SFSWAP: variants seen among roughly 807,000 people sequenced by gnomAD.
The protein encoded by SFSWAP is splicing factor, suppressor of white-apricot homolog.
A neutral mutation model predicts 100.7 loss-of-function variants in SFSWAP; 17 were observed. The observed-to-expected ratio is 0.17, with a 90% confidence interval of 0.12 to 0.25. The LOEUF (loss-of-function observed/expected upper bound fraction) is 0.25, where lower values mean the gene tolerates loss of function less well. SFSWAP is among the 10% of genes least tolerant of loss of function. The pLI is 1.00. For synonymous variants in SFSWAP, 504 were observed against 510.1 expected, an observed-to-expected ratio of 0.99 and a Z score of 0.16; for missense variants, 1,005 against 1,262.6, an observed-to-expected ratio of 0.80 and a Z score of 3.09.
intron 7 of SFSWAP, among the ~76,000 whole-genome samples, chr12:131,739,119 C>G (rs1019178613): frequency 6.6e-6 from 1 of 151,946 alleles, no homozygotes; most frequent in Non-Finnish European, 1.5e-5. Flanking sequence ...CTCAAGTGAT[C>G]CACCCACCTT....
At chr12:131,742,186 C>T (rs1880706167) in intron 7 of SFSWAP, among the ~76,000 whole-genome samples, 1 of 152,168 alleles carries the variant, frequency 6.6e-6, no homozygotes, top group African/African-American at 2.4e-5. Context: ...GTCCACAAGC[C>T]CCGTTCTCCT....
At chr12:131,735,209 C>T (rs572418732) in intron 7 of SFSWAP, among the ~76,000 whole-genome samples, 116 of 152,168 alleles carry the variant, frequency 7.6e-4, no homozygotes, top group African/African-American at 2.6e-3. Flanking sequence ...CGATGAGAGC[C>T]GTCGTAGCCA....
intron 11 of SFSWAP, among the ~76,000 whole-genome samples, chr12:131,763,845 G>A (rs555564781): frequency 6.6e-6 from 1 of 150,856 alleles, no homozygotes; most frequent in Admixed American, 6.6e-5. Context: ...AGAAAAATGA[G>A]GCCGGGCACA....
chr12:131,754,269 T>C, intron 8 of SFSWAP, 99 bp from the exon 9 acceptor site: 2 of 877,964 alleles, frequency 2.3e-6, no homozygotes, highest in Non-Finnish European at 3.3e-6. Flanking sequence ...AACTCACATG[T>C]CTCTCCGGGC....
intron 14 of SFSWAP, among the ~76,000 whole-genome samples, chr12:131,779,903 C>T (rs535616014): frequency 2.6e-5 from 4 of 152,254 alleles, no homozygotes; most frequent in Non-Finnish European, 5.9e-5. Context: ...TCTTCTGCCT[C>T]AGCCTCCCAA....
At chr12:131,785,115 G>C in intron 14 of SFSWAP, 1 of 1,535,706 alleles carries the variant, frequency 6.5e-7, no homozygotes, top group East Asian at 2.4e-5. Context: ...AGCCCTGTCA[G>C]AGCAGCGCGT....
chr12:131,790,177 G>T (rs1885150185), intron 15 of SFSWAP, among the ~76,000 whole-genome samples: 1 of 152,160 alleles, frequency 6.6e-6, no homozygotes, highest in Admixed American at 6.5e-5. Flanking sequence ...TTTATTTGTT[G>T]TGTGATAATC....
In SFSWAP at chr12:131,711,667, C is replaced by T. The variant is rs1593100324; in HGVS notation, c.218+220C>T. 1.8e-6 allele frequency: 1 copy of T among 553,272 alleles called. No individual in the cohort carries two copies. The highest frequency in any genetic ancestry group is 2.2e-5 in the South Asian group (1 of 46,416). The allele number at this position is 553,272 out of a possible 1,614,324, so 34.3% of individuals were successfully genotyped here. On this transcript the variant is annotated intron_variant, in intron 1 of 17. Coordinates refer to ENST00000261674, the MANE Select transcript of SFSWAP (RefSeq NM_004592.4). This position sits in a 1 kb window ranked among gnomAD's most constrained non-coding sequence, Gnocchi z 4.9. ...GGCTGGAATTGCGTGCCGCGTCCGT[C>T]TCCGGAGGGATCGTCTCTGGTCCCG...
intron 14 of SFSWAP, among the ~76,000 whole-genome samples, chr12:131,779,730 T>G (rs1884345910): frequency 6.6e-6 from 1 of 152,246 alleles, no homozygotes; most frequent in Non-Finnish European, 1.5e-5. Context: ...CACATTTGCC[T>G]CTCTGAATAT....
intron 14 of SFSWAP, chr12:131,784,823 A>T (rs1014669080): frequency 1.2e-5 from 4 of 334,570 alleles, no homozygotes; most frequent in African/African-American, 2.1e-5. Flanking sequence ...TACTGGTAAC[A>T]GCCACTTCCC....
chr12:131,785,420 T>A, intron 14 of SFSWAP: 1 of 508,014 alleles, frequency 2.0e-6, no homozygotes, highest in Non-Finnish European at 3.5e-6. Context: ...TGAAAATGAT[T>A]CAACGTAGAA....
intron 5 of SFSWAP, among the ~76,000 whole-genome samples, chr12:131,726,122 A>G (rs1878941150): frequency 6.6e-6 from 1 of 152,034 alleles, no homozygotes; most frequent in South Asian, 2.1e-4. Flanking sequence ...AGTTAGCTGT[A>G]TTTTGAATAA....
chr12:131,790,927 A>T, intron 15 of SFSWAP, among the ~76,000 whole-genome samples: 1 of 152,258 alleles, frequency 6.6e-6, no homozygotes, highest in East Asian at 1.9e-4. Flanking sequence ...ATAAAGTAGG[A>T]TTCTAGATGC....
intron 13 of SFSWAP, among the ~76,000 whole-genome samples, chr12:131,771,200 GT>G (rs747407956): frequency 3.3e-5 from 5 of 152,220 alleles, no homozygotes; most frequent in Non-Finnish European, 7.3e-5. Flanking sequence ...TTCACTTACA[GT>G]AGAGATCCTT....
intron 4 of SFSWAP, among the ~76,000 whole-genome samples, chr12:131,722,740 G>A (rs1484228064): frequency 1.3e-5 from 2 of 151,998 alleles, no homozygotes; most frequent in African/African-American, 4.8e-5. Context: ...TTGAGCCCAG[G>A]AGTTCAAGAC....
chr12:131,764,386 G>A (rs1882938733), intron 11 of SFSWAP, 70 bp from the exon 12 acceptor site: 1 of 1,240,706 alleles, frequency 8.1e-7, no homozygotes, highest in Non-Finnish European at 1.2e-6. Context: ...CCGATGCTCA[G>A]GTGGGTAGCA....
rs908676517 is a variant in SFSWAP, at chr12:131,711,244, C to T, written c.15C>T (p.Ser5=). The change falls in exon 1 of 18, where the codon AGC becomes AGT. Residue 5 remains serine (S), a synonymous_variant. Coordinates refer to ENST00000261674, the MANE Select transcript of SFSWAP (RefSeq NM_004592.4). The surrounding 1 kb of genome is among the most constrained non-coding windows in gnomAD (Gnocchi z 4.9). ...GGGACGCTGTCATGTACGGCGCGAGCGGGGGCCGCGCCAAACCCGAGAGGA... is the reference window on the plus strand; with the variant it reads ...GGGACGCTGTCATGTACGGCGCGAGTGGGGGCCGCGCCAAACCCGAGAGGA... MYGA[S]GGRAKPERKS... 2 of 1,604,678 alleles carry T rather than the reference C, an allele frequency of 1.2e-6. No homozygotes were observed. The highest frequency in any genetic ancestry group is 1.7e-6 in the Non-Finnish European group (2 of 1,177,318).
intron 14 of SFSWAP, among the ~76,000 whole-genome samples, chr12:131,780,248 CA>C (rs539716658): frequency 6.3e-4 from 96 of 152,232 alleles, no homozygotes; most frequent in African/African-American, 2.2e-3. Context: ...CTTATACACG[CA>C]AAAAAGAAAC....
intron 13 of SFSWAP, among the ~76,000 whole-genome samples, chr12:131,772,023 C>T (rs546644357): frequency 6.6e-6 from 1 of 152,282 alleles, no homozygotes; most frequent in Admixed American, 6.5e-5. Flanking sequence ...TTAGCCTGGG[C>T]CCATGTTTCT....
Sources: allele counts gnomAD v4.1 joint callset (sites outside exome capture counted in the v4.1 genomes callset), GRCh38; gene constraint gnomAD v4.1.1; non-coding constraint Gnocchi (gnomAD v3.1); transcripts MANE v1.5; gene names NCBI Gene and HGNC (gene_info 2026-07-23, HGNC 2026-07-21).